KLRG1: variants seen among roughly 807,000 people sequenced by gnomAD.
KLRG1 encodes the protein killer cell lectin-like receptor subfamily G member 1.
In KLRG1, 16 loss-of-function variants were observed where a neutral mutation model predicts 21.8. That is an observed-to-expected ratio of 0.73 (90% CI 0.50 to 1.11). The LOEUF (loss-of-function observed/expected upper bound fraction) is 1.11, where lower values mean the gene tolerates loss of function less well. Ranked by LOEUF, KLRG1 falls within the 50% of genes most tolerant of loss-of-function variation. The pLI, the probability that KLRG1 is intolerant of heterozygous loss-of-function variation, is 0.00. For missense variants in KLRG1, 173 were observed against 218.3 expected, an observed-to-expected ratio of 0.79 and a Z score of 1.31; for synonymous variants, 69 against 75.9, an observed-to-expected ratio of 0.91 and a Z score of 0.47.
chr12:8,965,614 G>A (rs1338478125), intron 1 of KLRG1, among the ~76,000 whole-genome samples: 1 of 151,978 alleles, frequency 6.6e-6, no homozygotes, highest in Non-Finnish European at 1.5e-5. Flanking sequence ...AAAATACCTA[G>A]GAATCCAACT....
At chr12:9,207,014 T>C in the KLRG1 span, among the ~76,000 whole-genome samples, 1 of 152,120 alleles carries the variant, frequency 6.6e-6, no homozygotes, top group Admixed American at 6.5e-5. Flanking sequence ...GGTAGAGGGA[T>C]AGTGGGGGAG....
At chr12:9,207,635 A>G in the KLRG1 span, among the ~76,000 whole-genome samples, 1 of 152,218 alleles carries the variant, frequency 6.6e-6, no homozygotes, top group South Asian at 2.1e-4. Context: ...AGTCAGACTG[A>G]CAGTAGCCAA....
the KLRG1 span, chr12:9,158,631 T>C: frequency 6.3e-7 from 1 of 1,575,396 alleles, no homozygotes; most frequent in Non-Finnish European, 8.7e-7. Flanking sequence ...ACTTTACTGC[T>C]CTGTTTTGTA....
At chr12:9,189,195 A>T in the KLRG1 span, among the ~76,000 whole-genome samples, 1 of 152,248 alleles carries the variant, frequency 6.6e-6, no homozygotes, top group Non-Finnish European at 1.5e-5. Flanking sequence ...AGCCAAGGCA[A>T]TCCTAAGCAA....
At chr12:9,132,073 A>G in the KLRG1 span, among the ~76,000 whole-genome samples, 1 of 152,166 alleles carries the variant, frequency 6.6e-6, no homozygotes, top group Non-Finnish European at 1.5e-5. Context: ...GTTCTTACTT[A>G]ATGGAAAATA....
chr12:9,053,556 T>C, the KLRG1 span, among the ~76,000 whole-genome samples: 1 of 152,036 alleles, frequency 6.6e-6, no homozygotes, highest in Admixed American at 6.5e-5. Context: ...ATTTAACCCA[T>C]CACCACTAAG....
the KLRG1 span, among the ~76,000 whole-genome samples, chr12:9,175,517 G>T: frequency 6.6e-6 from 1 of 152,182 alleles, no homozygotes; most frequent in Admixed American, 6.5e-5. Flanking sequence ...TCATTAGAGT[G>T]AACAGACAAC....
At chr12:9,019,042 C>G in the KLRG1 span, among the ~76,000 whole-genome samples, 1 of 152,062 alleles carries the variant, frequency 6.6e-6, no homozygotes, top group African/African-American at 2.4e-5. Context: ...GATTAATAAC[C>G]AGAATATATA....
At chr12:8,993,820 A>G (rs1414747440) in intron 2 of KLRG1, among the ~76,000 whole-genome samples, 1 of 152,194 alleles carries the variant, frequency 6.6e-6, no homozygotes, top group African/African-American at 2.4e-5. Flanking sequence ...TAATATTTAT[A>G]TGAAAAATAC....
At chr12:9,128,770 T>C in the KLRG1 span, 1 of 151,844 alleles carries the variant, frequency 6.6e-6, no homozygotes. Context: ...CCCAAGGGGG[T>C]GGGGGGAAGA....
At chr12:9,110,373 CA>C in the KLRG1 span, 3 of 1,267,574 alleles carry the variant, frequency 2.4e-6, no homozygotes, top group Non-Finnish European at 3.2e-6. Flanking sequence ...TAATTATTTT[CA>C]AATATTCTTA....
chr12:9,007,414 C>G (rs1170446939), intron 3 of KLRG1, among the ~76,000 whole-genome samples: 1 of 152,106 alleles, frequency 6.6e-6, no homozygotes, highest in Non-Finnish European at 1.5e-5. Context: ...GTGCCCGCCA[C>G]CATGCCTAAT....
the KLRG1 span, among the ~76,000 whole-genome samples, chr12:9,080,722 A>T: frequency 6.6e-6 from 1 of 152,216 alleles, no homozygotes; most frequent in Non-Finnish European, 1.5e-5. Context: ...ACAGTATTTG[A>T]TGCATTGAAA....
At chr12:8,991,550 C>T (rs1405060106) in intron 1 of KLRG1, among the ~76,000 whole-genome samples, 1 of 151,994 alleles carries the variant, frequency 6.6e-6, no homozygotes, top group African/African-American at 2.4e-5. Flanking sequence ...CAGAGGCAAA[C>T]AATGTTATCA....
chr12:9,206,249 T>C, the KLRG1 span, among the ~76,000 whole-genome samples: 1 of 151,406 alleles, frequency 6.6e-6, no homozygotes. Context: ...TAAGAAGGTA[T>C]ATATATATTT....
chr12:9,074,833 A>G, the KLRG1 span: 103 of 1,534,504 alleles, frequency 6.7e-5, no homozygotes, highest in Non-Finnish European at 8.7e-5. Context: ...TTTATATTTA[A>G]TTCAAGGTGA....
At chr12:9,153,368 C>T in the KLRG1 span, 3 of 1,581,924 alleles carry the variant, frequency 1.9e-6, no homozygotes, top group Non-Finnish European at 2.6e-6. Context: ...TGGACAACCG[C>T]CCCAAAGAGT....
chr12:8,971,519 T>C (rs1216186409), intron 1 of KLRG1, among the ~76,000 whole-genome samples: 2 of 152,172 alleles, frequency 1.3e-5, no homozygotes, highest in Admixed American at 6.5e-5. Flanking sequence ...AGATTCTTGC[T>C]CTGTTGCCCA....
the KLRG1 span, chr12:9,099,481 A>C: frequency 6.2e-7 from 1 of 1,610,448 alleles, no homozygotes; most frequent in Non-Finnish European, 8.5e-7. Context: ...GACAGGAGCA[A>C]TGTCTGACTT....
Sources: gnomAD v4.1 joint callset for allele counts (sites outside exome capture counted in the v4.1 genomes callset) on GRCh38, gnomAD v4.1.1 for gene constraint, MANE v1.5 for transcripts, NCBI Gene and HGNC (gene_info 2026-07-23, HGNC 2026-07-21) for gene names.